R3HDM2: variants seen among roughly 807,000 people sequenced by gnomAD.
The protein encoded by R3HDM2 is R3H domain containing 2.
In R3HDM2, 38 loss-of-function variants were observed where a neutral mutation model predicts 124.5. The ratio of observed to expected loss-of-function variants is 0.31; its 90% confidence interval spans 0.24 to 0.40. R3HDM2 has a LOEUF of 0.40. Among genes scored for constraint, R3HDM2 ranks in the 10% least tolerant of loss-of-function variants. The probability of loss-of-function intolerance (pLI) is 1.00; values close to 1 mark genes in which losing one functional copy is unlikely to be tolerated. For synonymous variants in R3HDM2, 391 were observed against 448.0 expected (o/e 0.87, Z 1.61); for missense variants, 869 against 1,236.9 (o/e 0.70, Z 4.46).
chr12:57,332,244 T>C (rs1483454129), intron 2 of R3HDM2, among the ~76,000 whole-genome samples: 1 of 150,488 alleles, frequency 6.6e-6, no homozygotes, highest in Non-Finnish European at 1.5e-5. Flanking sequence ...ACCCTGTCTC[T>C]ACAAAAATAA....
At chr12:57,290,640 T>G (rs1304539935) in intron 11 of R3HDM2, among the ~76,000 whole-genome samples, 1 of 151,992 alleles carries the variant, frequency 6.6e-6, no homozygotes, top group Non-Finnish European at 1.5e-5. Context: ...TGAGATGGAG[T>G]TTTCCTCTTG....
chr12:57,299,286 C>G, intron 6 of R3HDM2, 66 bp downstream of exon 6: 1 of 1,463,286 alleles, frequency 6.8e-7, no homozygotes, highest in Non-Finnish European at 9.3e-7. Context: ...TGGCAGGTGC[C>G]AGGCTTCAGG....
chr12:57,269,494 G>A (rs777506937), intron 15 of R3HDM2, 45 bp from the exon 16 acceptor site: 3 of 1,605,708 alleles, frequency 1.9e-6, no homozygotes, highest in Non-Finnish European at 1.7e-6. Flanking sequence ...CTAAAATTCA[G>A]CCGCAACATC....
At chr12:57,318,205 T>C (rs762345636) in intron 2 of R3HDM2, among the ~76,000 whole-genome samples, 16 of 151,236 alleles carry the variant, frequency 1.1e-4, no homozygotes, top group Non-Finnish European at 1.9e-4. Flanking sequence ...GGCAGGAGAA[T>C]AGCTTGAACC....
intron 18 of R3HDM2, among the ~76,000 whole-genome samples, chr12:57,267,615 G>T (rs191085572): frequency 6.6e-6 from 1 of 151,922 alleles, no homozygotes; most frequent in Non-Finnish European, 1.5e-5. Context: ...AAAAAATAAC[G>T]CCACAAAACT....
At position 57,431,025 on chromosome 12, in the gene R3HDM2, CG is replaced by C. The variant is rs1225632412; in HGVS notation, c.-412del. On this transcript the variant is annotated 5_prime_UTR_variant, in exon 1 of 24. Transcript: ENST00000402412. Reference sequence around the variant, plus strand: ...AAAGCCCAGAGTCCGCCCCCCGCTGCGGCTGCGCGCTACGTCACTACGTCCG... The same window carrying C: ...AAAGCCCAGAGTCCGCCCCCCGCTGCGCTGCGCGCTACGTCACTACGTCCG... The C allele has an allele frequency of 6.6e-6, 1 of 152,478 alleles. No individual in the cohort carries two copies. Among genetic ancestry groups the C allele is most frequent in the African/African-American group, 2.4e-5 (1 of 41,466 alleles). The allele number at this position is 152,478 out of a possible 1,614,324, so 9.4% of individuals were successfully genotyped here.
At chr12:57,421,385 G>C (rs963947972) in intron 1 of R3HDM2, among the ~76,000 whole-genome samples, 12 of 150,514 alleles carry the variant, frequency 8.0e-5, no homozygotes, top group African/African-American at 2.9e-4. Flanking sequence ...CCCGACCTCA[G>C]GTGATCCGCC....
chr12:57,425,900 T>C (rs775254683), intron 1 of R3HDM2, among the ~76,000 whole-genome samples: 2 of 151,988 alleles, frequency 1.3e-5, no homozygotes, highest in Non-Finnish European at 2.9e-5. Context: ...AGCCGGAAGA[T>C]CAATGGAGGT....
chr12:57,313,715 A>C (rs2054406007), intron 2 of R3HDM2, among the ~76,000 whole-genome samples: 1 of 151,280 alleles, frequency 6.6e-6, no homozygotes, highest in South Asian at 2.1e-4. Context: ...CCTCCTCTCT[A>C]TAAAAAAAGA....
intron 2 of R3HDM2, among the ~76,000 whole-genome samples, chr12:57,366,221 G>A (rs768841521): frequency 6.6e-6 from 1 of 151,544 alleles, no homozygotes; most frequent in African/African-American, 2.4e-5. Flanking sequence ...GTGGTGTGAC[G>A]TTGGTTCACT....
At chr12:57,308,389 A>G (rs952898359) in intron 3 of R3HDM2, among the ~76,000 whole-genome samples, 2 of 151,452 alleles carry the variant, frequency 1.3e-5, no homozygotes, top group African/African-American at 4.9e-5. Flanking sequence ...AGTGTCCATA[A>G]AGCATATAAA....
chr12:57,363,819 A>G (rs1329580981), intron 2 of R3HDM2, among the ~76,000 whole-genome samples: 5 of 151,962 alleles, frequency 3.3e-5, no homozygotes, highest in Non-Finnish European at 7.4e-5. Flanking sequence ...GTAGTGAGCT[A>G]GGATCACACC....
At chr12:57,312,371 G>A (rs1339510887) in intron 2 of R3HDM2, among the ~76,000 whole-genome samples, 3 of 150,098 alleles carry the variant, frequency 2.0e-5, no homozygotes, top group Non-Finnish European at 3.0e-5. Context: ...GCAGTGATGC[G>A]ATCATAGCTC....
intron 1 of R3HDM2, among the ~76,000 whole-genome samples, chr12:57,403,104 C>T (rs749154268): frequency 6.6e-6 from 1 of 151,508 alleles, no homozygotes; most frequent in Non-Finnish European, 1.5e-5. Context: ...ACCTGTAATC[C>T]CAGCACTTTA....
intron 2 of R3HDM2, among the ~76,000 whole-genome samples, chr12:57,347,900 T>C: frequency 6.6e-6 from 1 of 152,110 alleles, no homozygotes; most frequent in Non-Finnish European, 1.5e-5. Flanking sequence ...ACTAGTTCCT[T>C]CAAAGGATAA....
At chr12:57,274,026 G>A (rs183031762) in intron 14 of R3HDM2, among the ~76,000 whole-genome samples, 2 of 152,260 alleles carry the variant, frequency 1.3e-5, no homozygotes, top group East Asian at 3.9e-4. Context: ...GTCAGACAAT[G>A]GCATTCCAAA....
chr12:57,256,630 G>A, intron 21 of R3HDM2, 119 bp from the exon 22 acceptor site: 1 of 701,832 alleles, frequency 1.4e-6, no homozygotes, highest in Non-Finnish European at 2.3e-6. Context: ...TTCTATGATG[G>A]AAATGCCCAT....
chr12:57,359,106 C>T (rs1011674988), intron 2 of R3HDM2, among the ~76,000 whole-genome samples: 11 of 151,936 alleles, frequency 7.2e-5, no homozygotes, highest in African/African-American at 1.2e-4. Flanking sequence ...TTAGTAGAGG[C>T]GAGGTTTCAC....
At chr12:57,343,361 G>A (rs1339645984) in intron 2 of R3HDM2, among the ~76,000 whole-genome samples, 2 of 151,802 alleles carry the variant, frequency 1.3e-5, no homozygotes, top group Non-Finnish European at 2.9e-5. Context: ...AGCTAATTTT[G>A]TATTTTTAGT....
Sources: allele counts gnomAD v4.1 joint callset (sites outside exome capture counted in the v4.1 genomes callset), GRCh38; gene constraint gnomAD v4.1.1; transcripts MANE v1.5; gene names NCBI Gene and HGNC (gene_info 2026-07-23, HGNC 2026-07-21).